The following LAMA2 variants were observed in gnomAD, a reference collection of about 807,000 sequenced individuals.
The protein encoded by LAMA2 is laminin subunit alpha 2.
Under a neutral mutation model 364.8 loss-of-function variants are expected in LAMA2, and 269 were observed. The ratio of observed to expected loss-of-function variants is 0.74; its 90% confidence interval spans 0.67 to 0.82. The LOEUF (loss-of-function observed/expected upper bound fraction) is 0.82. LAMA2 is among the 40% of genes least tolerant of loss of function. The pLI is 0.00. For synonymous variants in LAMA2, 1,379 were observed against 1,370.6 expected, an observed-to-expected ratio of 1.01 and a Z score of -0.14; for missense variants, 3,807 against 3,873.2, an observed-to-expected ratio of 0.98 and a Z score of 0.45.
intron 2 of LAMA2, among the ~76,000 whole-genome samples, chr6:129,055,185 A>T (rs1042628988): frequency 1.5e-4 from 3 of 20,052 alleles, no homozygotes; most frequent in African/African-American, 2.8e-4. Flanking sequence ...ATTTATTATT[A>T]TTATTATTAT....
intron 1 of LAMA2, among the ~76,000 whole-genome samples, chr6:129,028,351 C>G (rs1785980061): frequency 6.6e-6 from 1 of 151,044 alleles, no homozygotes; most frequent in Non-Finnish European, 1.5e-5. Context: ...TTTTTTGGGT[C>G]CAGCATTACA....
rs3215022 is a variant in LAMA2, at chr6:129,291,921, A to AT, written c.2856+210dup. Among the ~76,000 whole-genome samples the AT allele has an allele frequency of 0.084, 12,711 of 151,612 alleles. 745 individuals are homozygous for AT. The highest frequency in any genetic ancestry group is 0.33 in the East Asian group (1,687 of 5,158). The stretch of plus-strand genomic sequence containing the variant: ...TGTACATTACCATTTGACCTTAAAC[A>AT]TTTTTTTTTGGCAGTGAATGTGTAT... On this transcript the variant is annotated intron_variant, in intron 20 of 64. Transcript: ENST00000421865.
At chr6:129,328,979 G>A (rs917165098) in intron 29 of LAMA2, among the ~76,000 whole-genome samples, 1 of 152,108 alleles carries the variant, frequency 6.6e-6, no homozygotes, top group African/African-American at 2.4e-5. Flanking sequence ...ATTTCCCTTA[G>A]AATTGAGGTA....
At chr6:129,037,671 T>C (rs995668211) in intron 1 of LAMA2, among the ~76,000 whole-genome samples, 5 of 151,308 alleles carry the variant, frequency 3.3e-5, no homozygotes, top group Non-Finnish European at 7.4e-5. Context: ...ATTTAATTTT[T>C]TTTTTTTTTT....
At chr6:129,243,685 G>T (rs760046644) in intron 12 of LAMA2, among the ~76,000 whole-genome samples, 8 of 151,584 alleles carry the variant, frequency 5.3e-5, no homozygotes, top group Admixed American at 2.0e-4. Flanking sequence ...CCCAATACAG[G>T]TTATCTTATC....
At chr6:129,465,434 AGATTATAGGT>A (rs1161022886) in intron 51 of LAMA2, 145 bp downstream of exon 51, 3 of 715,822 alleles carry the variant, frequency 4.2e-6, no homozygotes, top group Admixed American at 4.2e-5. Flanking sequence ...TTTTTGGCTT[AGATTATAGGT>A]GATTTGGGTT....
chr6:129,377,908 T>C (rs1778466217), intron 34 of LAMA2, among the ~76,000 whole-genome samples: 1 of 151,714 alleles, frequency 6.6e-6, no homozygotes, highest in Non-Finnish European at 1.5e-5. Context: ...TGCCTAATGG[T>C]AATGCATGCT....
At chr6:128,959,981 G>T (rs966308913) in intron 1 of LAMA2, among the ~76,000 whole-genome samples, 1 of 151,934 alleles carries the variant, frequency 6.6e-6, no homozygotes, top group African/African-American at 2.4e-5. Flanking sequence ...AGTGCCTGGC[G>T]CATGTTAGAA....
intron 4 of LAMA2, among the ~76,000 whole-genome samples, chr6:129,133,939 G>T (rs1777641682): frequency 6.6e-6 from 1 of 152,120 alleles, no homozygotes; most frequent in Admixed American, 6.5e-5. Flanking sequence ...GAATGAGAAT[G>T]AAGGAGACTG....
intron 1 of LAMA2, among the ~76,000 whole-genome samples, chr6:128,943,685 T>C (rs1780318868): frequency 6.6e-6 from 1 of 152,152 alleles, no homozygotes. Context: ...CTAGTGGAAA[T>C]AATATCAAAA....
In LAMA2 at chr6:129,312,939, T is replaced by A. The variant is rs1250590091; in HGVS notation, c.3253T>A (p.Phe1085Ile). 5.0e-6 allele frequency: 8 copies of A among 1,614,088 alleles called. No homozygotes were observed. Among genetic ancestry groups the A allele is most frequent in the Non-Finnish European group, 5.9e-6 (7 of 1,180,044 alleles). Residue 1085 changes from phenylalanine to isoleucine, a missense_variant, in exon 23 of 65, where the codon TTC becomes ATC. By Grantham distance (21) the Phe-to-Ile change is conservative (BLOSUM62 0). This residue lies in a region of LAMA2 where 3,333 missense variants were observed against 3,345.7 expected (regional missense o/e 1.00). Transcript: ENST00000421865. ...AGGCCAATGCAACTGTCATCCAAAA[T>A]TCTCTGGTGCAAAATGTACAGAGTG... ...NTGQCNCHPK[F>I]SGAKCTECSR...
chr6:129,205,265 G>A (rs1215860759), intron 12 of LAMA2, among the ~76,000 whole-genome samples: 9 of 151,620 alleles, frequency 5.9e-5, no homozygotes, highest in Admixed American at 5.3e-4. Context: ...AGTGGCACAC[G>A]CCTGTAGTCC....
intron 45 of LAMA2, among the ~76,000 whole-genome samples, chr6:129,451,368 T>A (rs1393530346): frequency 6.6e-6 from 1 of 152,180 alleles, no homozygotes; most frequent in Non-Finnish European, 1.5e-5. Flanking sequence ...TAGTTGGCCC[T>A]GAGTCCTGCA....
At chr6:129,180,911 CTTGACACTAGGAT>C (rs1780886275) in intron 10 of LAMA2, among the ~76,000 whole-genome samples, 1 of 151,990 alleles carries the variant, frequency 6.6e-6, no homozygotes, top group Non-Finnish European at 1.5e-5. Context: ...CTCACTAGGA[CTTGACACTAGGAT>C]TTGGACCCAC....
At chr6:129,005,891 T>C (rs1420600659) in intron 1 of LAMA2, among the ~76,000 whole-genome samples, 1 of 151,744 alleles carries the variant, frequency 6.6e-6, no homozygotes, top group African/African-American at 2.4e-5. Context: ...TTTACCTATC[T>C]ACCTATAAAC....
Position 128,883,186 on chromosome 6 carries a change from G to A in LAMA2, c.-60G>A. ...GCTCAGCTCACAAGCCAAGGCCAGG[G>A]GACAGGGCGGCAGCGACTCCTCTGG... On this transcript the variant is annotated 5_prime_UTR_variant, in exon 1 of 65. Transcript: ENST00000421865. The A allele has an allele frequency of 2.7e-6, 4 of 1,480,448 alleles. No homozygotes were observed. Among genetic ancestry groups the A allele is most frequent in the Non-Finnish European group, 3.7e-6 (4 of 1,090,544 alleles). The allele number at this position is 1,480,448 out of a possible 1,614,324, so 91.7% of individuals were successfully genotyped here. A position where few individuals can be genotyped will look rare whatever the true frequency, so the allele number is the denominator to read the frequency against.
intron 12 of LAMA2, among the ~76,000 whole-genome samples, chr6:129,228,264 C>G (rs927920250): frequency 6.6e-6 from 1 of 152,150 alleles, no homozygotes; most frequent in African/African-American, 2.4e-5. Flanking sequence ...AATTTCCTGA[C>G]CCCTTGTGCT....
chr6:129,098,809 A>G (rs1775338569), intron 4 of LAMA2, among the ~76,000 whole-genome samples: 1 of 152,226 alleles, frequency 6.6e-6, no homozygotes, highest in Non-Finnish European at 1.5e-5. Flanking sequence ...GAAGAAATGT[A>G]ATCCACATGA....
chr6:129,154,269 G>A (rs780130747), intron 7 of LAMA2, among the ~76,000 whole-genome samples: 37 of 152,038 alleles, frequency 2.4e-4, no homozygotes, highest in Non-Finnish European at 5.1e-4. Context: ...AAATTAGCTG[G>A]GTGTGGTGGT....
Sources: gnomAD v4.1 joint callset for allele counts (sites outside exome capture counted in the v4.1 genomes callset) on GRCh38, gnomAD v4.1.1 for gene constraint, gnomAD v4.1.1 regional missense constraint, MANE v1.5 for transcripts, NCBI Gene and HGNC (gene_info 2026-07-23, HGNC 2026-07-21) for gene names.